The following MAP3K9 variants were observed in gnomAD, a reference collection of about 807,000 sequenced individuals.
The protein encoded by MAP3K9 is mixed lineage kinase 1 (tyr and ser/thr specificity).
MAP3K9 carries 46 observed loss-of-function variants against 95.8 expected under a neutral mutation model. The observed-to-expected ratio is 0.48, with a 90% CI of 0.38 to 0.61. The LOEUF (loss-of-function observed/expected upper bound fraction) is 0.61. MAP3K9 is among the 20% of genes least tolerant of loss of function. MAP3K9 has a pLI of 0.00. For missense variants in MAP3K9, 1,296 were observed against 1,474.3 expected, an observed-to-expected ratio of 0.88 and a Z score of 1.98; for synonymous variants, 533 against 593.8, an observed-to-expected ratio of 0.90 and a Z score of 1.49.
intron 2 of MAP3K9, among the ~76,000 whole-genome samples, chr14:70,772,347 C>T (rs936617331): frequency 2.6e-5 from 4 of 151,954 alleles, no homozygotes; most frequent in African/African-American, 9.7e-5. Flanking sequence ...AAAGAGGAAA[C>T]CAAAGCAAAT....
chr14:70,730,662 G>A lies in MAP3K9; in HGVS notation c.3033C>T (p.Ser1011=), dbSNP rs150193336. Residue 1011 remains serine, a synonymous_variant, in exon 12 of 12, where the codon TCC becomes TCT. Coordinates refer to ENST00000554752, the MANE Select transcript of MAP3K9 (RefSeq NM_001284230.2). The part of the protein sequence containing the change: ...RQRLDPWWFV[S]PSHARSTSPA... ...GGGAGGTGCTGCGGGCATGGCTGGG[G>A]GACACAAACCACCAAGGGTCCAGCC... 541 of 1,613,724 alleles carry A rather than the reference G, an allele frequency of 3.4e-4. No individual in the cohort carries two copies. The Middle Eastern group carries it at 3.6e-3, about 11-fold the overall frequency.
chr14:70,742,904 T>C (rs2054094219), intron 5 of MAP3K9, among the ~76,000 whole-genome samples: 1 of 34,460 alleles, frequency 2.9e-5, no homozygotes, highest in Non-Finnish European at 5.4e-5. Context: ...CTGTGATTTA[T>C]ATATATTTAT....
At chr14:70,798,802 A>C (rs1412031636) in intron 2 of MAP3K9, among the ~76,000 whole-genome samples, 4 of 152,142 alleles carry the variant, frequency 2.6e-5, no homozygotes, top group Non-Finnish European at 5.9e-5. Context: ...TATTTAAAGA[A>C]TAGAATTTGA....
Position 70,762,579 on chromosome 14 carries a change from A to AT in MAP3K9, c.821-1398dup, listed in dbSNP as rs564444889. Among the ~76,000 whole-genome samples the AT allele has an allele frequency of 4.7e-3, 722 of 152,202 alleles. 1 individual carries two copies. The highest frequency in any genetic ancestry group is 7.0e-3 in the Non-Finnish European group (477 of 68,002). ...GAAATGTCCACTCAATCCTTTGCCC[A>AT]TTTTTAAAGTAAGTGGTTTGTCTTT... On this transcript the variant is annotated intron_variant, in intron 2 of 11. Transcript: ENST00000554752.
intron 6 of MAP3K9, among the ~76,000 whole-genome samples, 167 bp downstream of exon 6, chr14:70,742,184 T>G (rs928254389): frequency 6.6e-6 from 1 of 152,154 alleles, no homozygotes; most frequent in Non-Finnish European, 1.5e-5. Flanking sequence ...AGGGTAGATT[T>G]TCAACATGCC....
chr14:70,754,123 A>C (rs2139764559), intron 3 of MAP3K9, among the ~76,000 whole-genome samples: 2 of 152,346 alleles, frequency 1.3e-5, no homozygotes, highest in South Asian at 4.1e-4. Context: ...ATATATGTGA[A>C]AGCACTTTGT....
In MAP3K9 at chr14:70,761,088, G is replaced by C. The variant is rs527399833; in HGVS notation, c.915C>G (p.Thr305=). The change falls in exon 3 of 12, where the codon ACC becomes ACG. Residue 305 remains threonine, a synonymous_variant. Transcript: ENST00000554752. ...CATACGTCCCTGCCGCACTCATCTTGGTGGTTCGGTGCCATTCCCGAGCCA... is the reference window on the plus strand; with the variant it reads ...CATACGTCCCTGCCGCACTCATCTTCGTGGTTCGGTGCCATTCCCGAGCCA... ...FGLAREWHRT[T]KMSAAGTYAW... 3.7e-6 allele frequency: 6 copies of C among 1,614,128 alleles called. No individual in the cohort carries two copies. In the African/African-American group the frequency reaches 8.0e-5, roughly 22 times the overall value.
In MAP3K9 at chr14:70,734,429, C is replaced by T. The variant is rs200427087; in HGVS notation, c.1983G>A (p.Arg661=). 2.6e-5 allele frequency: 42 copies of T among 1,614,150 alleles called. No individual in the cohort carries two copies. In the East Asian group the frequency reaches 3.3e-4, roughly 13 times the overall value. Residue 661 remains arginine (R), a synonymous_variant, in exon 10 of 12, where the codon AGG becomes AGA. Coordinates refer to ENST00000554752, the MANE Select transcript of MAP3K9 (RefSeq NM_001284230.2). ...SSAPNLVKGP[R]SSPALPGFTS... ...TGAACCCTGGCAGGGCCGGGCTACT[C>T]CTTGGGCCCTTCACCAGGTTGGGGG... is the stretch of plus-strand genomic sequence containing the variant.
In MAP3K9 at chr14:70,730,139, C is replaced by G. The variant is rs896674521; in HGVS notation, c.*241G>C. 2 of 543,162 alleles carry G rather than the reference C, an allele frequency of 3.7e-6. No individual in the cohort carries two copies. The highest frequency in any genetic ancestry group is 3.3e-5 in the Admixed American group (1 of 30,344). The allele number at this position is 543,162 out of a possible 1,614,324, so 33.6% of individuals were successfully genotyped here. A position where few individuals can be genotyped will look rare whatever the true frequency, so the allele number is the denominator to read the frequency against. On this transcript the variant is annotated 3_prime_UTR_variant, in exon 12 of 12. Transcript: ENST00000554752. ...GTGGGGGACATGCATGCACCCCTTCCTCCCCTACACAGCCAGAGCTGATGG... is the reference window on the plus strand; with the variant it reads ...GTGGGGGACATGCATGCACCCCTTCGTCCCCTACACAGCCAGAGCTGATGG...
At chr14:70,784,327 C>T (rs1483971699) in intron 2 of MAP3K9, among the ~76,000 whole-genome samples, 2 of 151,898 alleles carry the variant, frequency 1.3e-5, no homozygotes, top group African/African-American at 4.8e-5. Flanking sequence ...AAATAAAAAA[C>T]AAAACCACAA....
chr14:70,757,627 T>G (rs1326837383), intron 3 of MAP3K9, among the ~76,000 whole-genome samples: 1 of 152,092 alleles, frequency 6.6e-6, no homozygotes, highest in Non-Finnish European at 1.5e-5. Context: ...AGAACAAAAT[T>G]GGAATCACAT....
At chr14:70,742,300 C>G in intron 6 of MAP3K9, 51 bp downstream of exon 6, 3 of 1,587,800 alleles carry the variant, frequency 1.9e-6, no homozygotes, top group Non-Finnish European at 2.6e-6. Context: ...CCCTCTGCCA[C>G]ACGAGTTCTT....
intron 2 of MAP3K9, among the ~76,000 whole-genome samples, chr14:70,798,395 T>TTTC: frequency 1.1e-5 from 1 of 89,940 alleles, no homozygotes; most frequent in Non-Finnish European, 2.3e-5. Flanking sequence ...TAAAGAAAAT[T>TTTC]CAGCTTCTCC....
chr14:70,768,358 A>T (rs377191853), intron 2 of MAP3K9, among the ~76,000 whole-genome samples: 1 of 152,210 alleles, frequency 6.6e-6, no homozygotes. Flanking sequence ...TGGGAAAGCC[A>T]AAAATTCTCC....
chr14:70,774,326 A>G (rs959898025), intron 2 of MAP3K9, among the ~76,000 whole-genome samples: 3 of 152,228 alleles, frequency 2.0e-5, no homozygotes, highest in African/African-American at 7.2e-5. Context: ...GGCTTGTAAT[A>G]TATTTCGGCT....
At chr14:70,805,905 C>T (rs1052530520) in intron 1 of MAP3K9, among the ~76,000 whole-genome samples, 1 of 151,780 alleles carries the variant, frequency 6.6e-6, no homozygotes, top group Non-Finnish European at 1.5e-5. Flanking sequence ...TCAGCCTGGG[C>T]GACAGAGTGA....
intron 3 of MAP3K9, among the ~76,000 whole-genome samples, chr14:70,758,000 T>G (rs925407335): frequency 1.3e-5 from 2 of 152,082 alleles, no homozygotes; most frequent in East Asian, 1.9e-4. Context: ...CTAGGCAATG[T>G]TTTTTAGATA....
chr14:70,769,742 GTA>G (rs2054505881), intron 2 of MAP3K9, among the ~76,000 whole-genome samples: 1 of 152,104 alleles, frequency 6.6e-6, no homozygotes, highest in African/African-American at 2.4e-5. Flanking sequence ...TTCCCTTTGT[GTA>G]TCTGTCTGCA....
In MAP3K9 at chr14:70,730,218, T is replaced by A. The variant is rs1359827645; in HGVS notation, c.*162A>T. 40 of 1,062,472 alleles carry A rather than the reference T, an allele frequency of 3.8e-5. No homozygotes were observed. Among genetic ancestry groups the A allele is most frequent in the Non-Finnish European group, 4.9e-5 (37 of 755,072 alleles). 65.8% of individuals were successfully genotyped at this position (1,062,472 alleles called of 1,614,324 possible). On this transcript the variant is annotated 3_prime_UTR_variant, in exon 12 of 12. Transcript: ENST00000554752. ...AAAGGCCCTGCAGGGCAGGAGACCC[T>A]CTGAAGTGGCCCTGTTTCCATCCCT...
Sources: gnomAD v4.1 joint callset for allele counts (sites outside exome capture counted in the v4.1 genomes callset) on GRCh38, gnomAD v4.1.1 for gene constraint, MANE v1.5 for transcripts, NCBI Gene and HGNC (gene_info 2026-07-23, HGNC 2026-07-21) for gene names.